OGDH: variants seen among roughly 807,000 people sequenced by gnomAD.
The protein encoded by OGDH is 2-oxoglutarate dehydrogenase complex component E1.
OGDH carries 38 observed loss-of-function variants against 116.6 expected under a neutral mutation model. That is an observed-to-expected ratio of 0.33 (90% confidence interval 0.25 to 0.43). The LOEUF is 0.43. OGDH is among the 20% of genes least tolerant of loss of function. The pLI, the probability that OGDH is intolerant of heterozygous loss-of-function variation, is 1.00. For missense variants in OGDH, 825 were observed against 1,357.2 expected (o/e 0.61, Z 6.16); for synonymous variants, 488 against 533.3 (o/e 0.92, Z 1.17).
intron 4 of OGDH, among the ~76,000 whole-genome samples, chr7:44,656,603 C>T (rs1786701101): frequency 6.6e-6 from 1 of 152,202 alleles, no homozygotes; most frequent in African/African-American, 2.4e-5. Context: ...CACTTTTCAT[C>T]TTCACGTGTG....
At chr7:44,674,385 T>C (rs1457973418) in intron 6 of OGDH, 26 bp from the exon 7 acceptor site, 3 of 1,613,598 alleles carry the variant, frequency 1.9e-6, no homozygotes, top group Non-Finnish European at 2.5e-6. Flanking sequence ...ACATTGCCCT[T>C]CAAGGTGGCT....
chr7:44,613,384 G>A (rs563401699), intron 1 of OGDH, among the ~76,000 whole-genome samples: 9 of 151,830 alleles, frequency 5.9e-5, no homozygotes, highest in African/African-American at 9.7e-5. Context: ...GTTTTGAGAC[G>A]GAGTCTCACT....
Position 44,665,102 on chromosome 7 carries a change from G to T in OGDH, c.518-1634G>T, listed in dbSNP as rs60413370. 5.9e-3 allele frequency among the ~76,000 whole-genome samples: 898 copies of T among 152,262 alleles called. 8 individuals carry two copies. Among genetic ancestry groups the T allele is most frequent in the African/African-American group, 0.02 (820 of 41,558 alleles). ...TAGTCAGGAAAAATTTCTCAAAGAT[G>T]ATTCTGTTTTTCCTCCATAAATACT... is the stretch of plus-strand genomic sequence containing the variant. On this transcript the variant is annotated intron_variant, in intron 4 of 22. Coordinates refer to ENST00000222673, the MANE Select transcript of OGDH (RefSeq NM_002541.4).
At chr7:44,608,300 C>T (rs1784433225) in intron 1 of OGDH, among the ~76,000 whole-genome samples, 1 of 152,100 alleles carries the variant, frequency 6.6e-6, no homozygotes, top group African/African-American at 2.4e-5. Flanking sequence ...CGCAACTACT[C>T]AGGAGGCTGA....
At chr7:44,621,358 G>A (rs1254793211) in intron 1 of OGDH, among the ~76,000 whole-genome samples, 1 of 152,214 alleles carries the variant, frequency 6.6e-6, no homozygotes, top group Non-Finnish European at 1.5e-5. Flanking sequence ...ATAGGCATGA[G>A]CCACCGTGCT....
intron 10 of OGDH, among the ~76,000 whole-genome samples, chr7:44,683,105 C>T (rs567934895): frequency 1.3e-5 from 2 of 151,354 alleles, no homozygotes; most frequent in South Asian, 2.1e-4. Flanking sequence ...GCTGAGATCA[C>T]GCCACTGCAC....
chr7:44,690,466 T>C (rs1417300430), intron 10 of OGDH, among the ~76,000 whole-genome samples: 1 of 152,212 alleles, frequency 6.6e-6, no homozygotes, highest in Non-Finnish European at 1.5e-5. Context: ...GGTATAGTGG[T>C]AAGTATAGCT....
rs753103131 is a variant in OGDH, at chr7:44,707,425, CG to C, written c.2796+42del. The C allele has an allele frequency of 1.9e-5, 31 of 1,611,398 alleles. No individual in the cohort carries two copies. Among genetic ancestry groups the C allele is most frequent in the Middle Eastern group, 3.3e-4 (2 of 6,064 alleles). On this transcript the variant is annotated intron_variant, in intron 21 of 22. Coordinates refer to ENST00000222673, the MANE Select transcript of OGDH (RefSeq NM_002541.4). This position sits in a 1 kb window ranked among gnomAD's most constrained non-coding sequence, Gnocchi z 5.2. ...TGGTGCCATCAGGGTGTCCCCCCAG[CG>C]GGGGTCAGGGCTCTGGTGCCTTCAC... is the stretch of plus-strand genomic sequence containing the variant.
At position 44,697,070 on chromosome 7, in the gene OGDH, G is replaced by A. The variant is rs746860301; in HGVS notation, c.2051+6G>A. The A allele has an allele frequency of 1.5e-5, 24 of 1,608,904 alleles. No homozygotes were observed. The highest frequency in any genetic ancestry group is 1.1e-4 in the South Asian group (10 of 90,992). On this transcript the variant is annotated splice_donor_region_variant and intron_variant, in intron 15 of 22. Transcript: ENST00000222673. The surrounding 1 kb of genome is among the most constrained non-coding windows in gnomAD (Gnocchi z 6.0). The stretch of plus-strand genomic sequence containing the variant: ...GTGGAGCGGGGCACATTCAGGTAAC[G>A]TTCTGGGCAGTTTTGTTTGCCCTCC...
chr7:44,672,479 T>C (rs1281025274), intron 5 of OGDH, among the ~76,000 whole-genome samples: 2 of 152,160 alleles, frequency 1.3e-5, no homozygotes, highest in East Asian at 3.9e-4. Flanking sequence ...GTAAAGTGTC[T>C]GTTGGCCCAC....
Position 44,690,955 on chromosome 7 carries a change from G to C in OGDH, c.1336-2870G>C, listed in dbSNP as rs1472970763. ...CCATTTTTTTTTTAATCTCATCAGT[G>C]TCTGACTATTTCTGATCATTTCTTT... is the stretch of plus-strand genomic sequence containing the variant. On this transcript the variant is annotated intron_variant, in intron 10 of 22. Coordinates refer to ENST00000222673, the MANE Select transcript of OGDH (RefSeq NM_002541.4). Among the ~76,000 whole-genome samples the C allele has an allele frequency of 3.3e-5, 5 of 151,900 alleles. No individual in the cohort carries two copies. In the South Asian group the frequency reaches 1.0e-3, roughly 32 times the overall value.
intron 2 of OGDH, among the ~76,000 whole-genome samples, chr7:44,626,888 A>C (rs1438078507): frequency 6.6e-6 from 1 of 152,226 alleles, no homozygotes; most frequent in Non-Finnish European, 1.5e-5. Context: ...GTTGTCATCC[A>C]GCACGGACTT....
chr7:44,649,180 TC>T (rs1025463614), intron 4 of OGDH, among the ~76,000 whole-genome samples: 1 of 151,476 alleles, frequency 6.6e-6, no homozygotes, highest in African/African-American at 2.4e-5. Context: ...AGCCACCTCT[TC>T]AGAGGAAAAC....
At chr7:44,641,613 T>A (rs1430455824) in intron 2 of OGDH, among the ~76,000 whole-genome samples, 1 of 152,172 alleles carries the variant, frequency 6.6e-6, no homozygotes, top group Non-Finnish European at 1.5e-5. Context: ...CTGCTCAGTT[T>A]CCTGCTGTAT....
chr7:44,637,653 A>C (rs1785730065), intron 2 of OGDH, among the ~76,000 whole-genome samples: 2 of 152,236 alleles, frequency 1.3e-5, no homozygotes, highest in East Asian at 3.9e-4. Context: ...TCTATTAAAA[A>C]TACAAAAATT....
At chr7:44,630,926 C>T (rs1785412541) in intron 2 of OGDH, among the ~76,000 whole-genome samples, 1 of 152,146 alleles carries the variant, frequency 6.6e-6, no homozygotes, top group Non-Finnish European at 1.5e-5. Context: ...CTTGCATGCA[C>T]AGCTCACAAT....
At chr7:44,685,484 T>G (rs571016282) in intron 10 of OGDH, among the ~76,000 whole-genome samples, 21 of 152,362 alleles carry the variant, frequency 1.4e-4, no homozygotes, top group African/African-American at 4.8e-4. Flanking sequence ...TTCCACTCTA[T>G]AAGTAAAATA....
intron 1 of OGDH, among the ~76,000 whole-genome samples, chr7:44,607,279 A>G (rs1023594180): frequency 6.6e-6 from 1 of 152,214 alleles, no homozygotes; most frequent in Non-Finnish European, 1.5e-5. Flanking sequence ...GATGAAGCTT[A>G]TTTCTCGTAG....
chr7:44,696,351 A>C, intron 13 of OGDH, 78 bp from the exon 14 acceptor site: 1 of 1,546,130 alleles, frequency 6.5e-7, no homozygotes, highest in Non-Finnish European at 8.8e-7. Context: ...GCTTCTCCCC[A>C]AAATCACGTG....
Sources: allele counts gnomAD v4.1 joint callset (sites outside exome capture counted in the v4.1 genomes callset), GRCh38; gene constraint gnomAD v4.1.1; non-coding constraint Gnocchi (gnomAD v3.1); transcripts MANE v1.5; gene names NCBI Gene and HGNC (gene_info 2026-07-23, HGNC 2026-07-21).